Variants in P3H1 observed in about 807,000 individuals in gnomAD.
P3H1 encodes the protein prolyl 3-hydroxylase 1.
In P3H1, 69 loss-of-function variants were observed where a neutral mutation model predicts 84.0. The observed-to-expected ratio is 0.82, with a 90% CI of 0.68 to 1.00. The LOEUF (loss-of-function observed/expected upper bound fraction) is 1.00, where lower values mean the gene tolerates loss of function less well. Among genes scored for constraint, P3H1 ranks in the 50% least tolerant of loss-of-function variants. The pLI, the probability that P3H1 is intolerant of heterozygous loss-of-function variation, is 0.00. For synonymous variants in P3H1, 366 were observed against 388.8 expected (o/e 0.94, Z 0.69); for missense variants, 878 against 962.8 (o/e 0.91, Z 1.17).
At position 42,762,329 on chromosome 1, in the gene P3H1, G is replaced by A; in HGVS notation, c.612C>T (p.Pro204=). The A allele has an allele frequency of 6.2e-7, 1 of 1,613,872 alleles. No homozygotes were observed. Among genetic ancestry groups the A allele is most frequent in the Non-Finnish European group, 8.5e-7 (1 of 1,179,866 alleles). Residue 204 remains proline, a synonymous_variant, in exon 2 of 15, where the codon CCC becomes CCT. Coordinates refer to ENST00000296388, the MANE Select transcript of P3H1 (RefSeq NM_022356.4). The part of the protein sequence containing the change: ...EADFKDLETQ[P]HMQEFRLGVR... ...GGGATAAAGTTTTTTTCACCATATG[G>A]GGTTGAGTCTCAAGATCCTTGAAGT...
intron 14 of P3H1, 164 bp from the exon 15 acceptor site, chr1:42,747,016 C>A (rs1356917663): frequency 1.2e-6 from 2 of 1,613,940 alleles, no homozygotes; most frequent in Non-Finnish European, 1.7e-6. Context: ...GAAGTGGGGC[C>A]CAAGGAGGGA....
chr1:42,746,887 C>A (rs756678739), intron 14 of P3H1, 35 bp from the exon 15 acceptor site: 1 of 1,614,198 alleles, frequency 6.2e-7, no homozygotes, highest in Admixed American at 1.7e-5. Context: ...TCAGAGAGGC[C>A]TCCGCTCCAG....
chr1:42,754,939 C>T lies in P3H1; in HGVS notation c.1275G>A (p.Met425Ile). 6.2e-7 allele frequency: 1 copy of T among 1,614,232 alleles called. No individual in the cohort carries two copies. Among genetic ancestry groups the T allele is most frequent in the Non-Finnish European group, 8.5e-7 (1 of 1,180,038 alleles). ...VRISQEIGNL[M>I]KEIETLVEEK... Reference sequence around the variant, plus strand: ...CTTCCACAAGGGTCTCGATTTCCTTCATAAGGTTCCCAATCTCCTGGGAGA... The same window carrying T: ...CTTCCACAAGGGTCTCGATTTCCTTTATAAGGTTCCCAATCTCCTGGGAGA... The change falls in exon 8 of 15, where the codon ATG (methionine) becomes ATA (isoleucine). Residue 425 changes from methionine to isoleucine, a missense_variant. Physicochemically the swap from Met to Ile is conservative, Grantham distance 10. Transcript: ENST00000296388. The surrounding 1 kb of genome is among the most constrained non-coding windows in gnomAD (Gnocchi z 4.0).
At chr1:42,752,155 GT>G in intron 10 of P3H1, 118 bp downstream of exon 10, 1 of 830,064 alleles carries the variant, frequency 1.2e-6, no homozygotes, top group Non-Finnish European at 2.1e-6. Context: ...CAACAAGAAT[GT>G]TGGCAGGTGG....
At chr1:42,758,684 G>C (rs1652532950) in intron 4 of P3H1, among the ~76,000 whole-genome samples, 168 bp downstream of exon 4, 1 of 152,190 alleles carries the variant, frequency 6.6e-6, no homozygotes, top group Admixed American at 6.5e-5. Flanking sequence ...TGGCTTCCTA[G>C]GCCAGTTGTT....
At chr1:42,750,944 T>G (rs1415320438) in intron 10 of P3H1, among the ~76,000 whole-genome samples, 16 of 120,906 alleles carry the variant, frequency 1.3e-4, no homozygotes, top group Admixed American at 1.2e-3. Flanking sequence ...GGGAGGGTGG[T>G]GGGGGGGTCA....
chr1:42,763,540 C>T (rs985868396), intron 1 of P3H1, among the ~76,000 whole-genome samples: 5 of 151,512 alleles, frequency 3.3e-5, no homozygotes, highest in East Asian at 1.9e-4. Context: ...GGCGTTGTGG[C>T]GCACACCCGT....
At position 42,750,260 on chromosome 1, in the gene P3H1, A is replaced by G; in HGVS notation, c.1646T>C (p.Met549Thr). 6.2e-7 allele frequency: 1 copy of G among 1,613,988 alleles called. No homozygotes were observed. Among genetic ancestry groups the G allele is most frequent in the Admixed American group, 1.7e-5 (1 of 59,982 alleles). ...YNVTEKVRRI[M>T]ESYFRLDTPL... ...CGTATCCAGGCGGAAGTAGGACTCC[A>G]TGATGCGCCGCACCTTCTCCGTCAC... Residue 549 changes from methionine to threonine, a missense_variant, in exon 11 of 15, where the codon ATG (methionine) becomes ACG (threonine). Transcript: ENST00000296388.
At chr1:42,759,176 A>G in intron 3 of P3H1, 25 bp downstream of exon 3, 2 of 1,613,474 alleles carry the variant, frequency 1.2e-6, no homozygotes, top group East Asian at 4.5e-5. Flanking sequence ...GCCTGGCTGA[A>G]GGTCTGGCTC....
Position 42,750,316 on chromosome 1 carries a change from A to G in P3H1, c.1590T>C (p.Val530=). The change falls in exon 11 of 15, where the codon GTT becomes GTC. Residue 530 remains valine (V), a synonymous_variant. Transcript: ENST00000296388. ...KALKLGQEGK[V]PLQSAHLYYN... Reference sequence around the variant, plus strand: ...AGTACAGGTGGGCACTCTGCAGAGGAACTTTGCCTTCTTGCCCCAGCTGCC... The same window carrying G: ...AGTACAGGTGGGCACTCTGCAGAGGGACTTTGCCTTCTTGCCCCAGCTGCC... 6.2e-7 allele frequency: 1 copy of G among 1,613,996 alleles called. No homozygotes were observed.
rs1373305113 is a variant in P3H1, at chr1:42,758,853, G to C, written c.939C>G (p.Asn313Lys). The change falls in exon 4 of 15, where the codon AAC becomes AAG. Residue 313 changes from asparagine to lysine, a missense_variant and splice_region_variant. Physicochemically the swap from Asn to Lys is moderately conservative, Grantham distance 94 (BLOSUM62 0). Transcript: ENST00000296388. ...HYNYLQFAYYNIGNYTQAVEC... is the reference protein window; with the variant it reads ...HYNYLQFAYYKIGNYTQAVEC... Reference sequence around the variant, plus strand: ...AAGAGGAAGGAAAGTAGGCCTTACTGTTATAGTAGGCAAACTGCAGATAAT... The same window carrying C: ...AAGAGGAAGGAAAGTAGGCCTTACTCTTATAGTAGGCAAACTGCAGATAAT... 6.2e-7 allele frequency: 1 copy of C among 1,614,034 alleles called. No homozygotes were observed. Among genetic ancestry groups the C allele is most frequent in the Non-Finnish European group, 8.5e-7 (1 of 1,179,982 alleles).
intron 10 of P3H1, chr1:42,751,965 T>C: frequency 2.4e-6 from 1 of 418,788 alleles, no homozygotes. Context: ...CTTATCTCTC[T>C]TTATGAGCAC....
rs137853948 is a variant in P3H1 at position 42,766,739 on chromosome 1, TG to T, written c.232del (p.Gln78SerfsTer30). On this transcript the variant is annotated frameshift_variant, in exon 1 of 15. Transcript: ENST00000296388. LOFTEE classifies it high-confidence loss of function. The stretch of plus-strand genomic sequence containing the variant: ...CTCCCACGGGAAGTCGGCGGCACAC[TG>T]GGTGCGGCAGCGCAGGCGAAGGGCG... ...LRALRLRCRTQCAADFPWELD... is the reference protein window; with the variant it reads ...LRALRLRCRTXCAADFPWELD... The T allele has an allele frequency of 1.8e-5, 29 of 1,577,282 alleles. No homozygotes were observed. The highest frequency in any genetic ancestry group is 2.3e-5 in the Non-Finnish European group (27 of 1,162,566).
intron 1 of P3H1, among the ~76,000 whole-genome samples, chr1:42,764,489 G>C (rs1652890135): frequency 6.7e-6 from 1 of 150,178 alleles, no homozygotes; most frequent in Admixed American, 6.6e-5. Flanking sequence ...TGGGCTTAAT[G>C]ACTCACTGAC....
chr1:42,755,607 G>C lies in P3H1; in HGVS notation c.1111C>G (p.Leu371Val), dbSNP rs1467997807. 1 of 1,614,050 alleles carries C rather than the reference G, an allele frequency of 6.2e-7. No homozygotes were observed. Among genetic ancestry groups the C allele is most frequent in the Admixed American group, 1.7e-5 (1 of 60,030 alleles). ...GCGAAGAAAAGCAGTTCTTTTTCCA[G>C]TAGGCTTCGCTGTCGGTACTCCTTG... ...SAKEYRQRSL[L>V]EKELLFFAYD... is the part of the protein sequence containing the mutation. The change falls in exon 6 of 15, where the codon CTG (leucine) becomes GTG (valine). Residue 371 changes from leucine to valine, a missense_variant. By Grantham distance (32) the Leu-to-Val change is conservative (BLOSUM62 1). Transcript: ENST00000296388.
rs764540430 is a variant in P3H1 at position 42,750,306 on chromosome 1, T to C, written c.1600A>G (p.Ser534Gly). 1.1e-5 allele frequency: 17 copies of C among 1,613,972 alleles called. No individual in the cohort carries two copies. Among genetic ancestry groups the C allele is most frequent in the Non-Finnish European group, 1.4e-5 (17 of 1,180,022 alleles). Residue 534 changes from serine to glycine, a missense_variant, in exon 11 of 15, where the codon AGT becomes GGT. Coordinates refer to ENST00000296388, the MANE Select transcript of P3H1 (RefSeq NM_022356.4). ...GTCACGTTGTAGTACAGGTGGGCAC[T>C]CTGCAGAGGAACTTTGCCTTCTTGC... ...LGQEGKVPLQSAHLYYNVTEK... is the reference protein window; with the variant it reads ...LGQEGKVPLQGAHLYYNVTEK...
In P3H1 at chr1:42,748,184, C is replaced by G. The variant is rs774501616; in HGVS notation, c.1838+16G>C. 6.3e-7 allele frequency: 1 copy of G among 1,596,904 alleles called. No individual in the cohort carries two copies. The highest frequency in any genetic ancestry group is 1.7e-5 in the Admixed American group (1 of 59,958). ...AGGGCACAGACCTCCTCACCCTGCA[C>G]CTGCCCCGCACTCACCTGTAGTCGC... is the stretch of plus-strand genomic sequence containing the variant. On this transcript the variant is annotated intron_variant, in intron 12 of 14. Coordinates refer to ENST00000296388, the MANE Select transcript of P3H1 (RefSeq NM_022356.4).
In P3H1 at chr1:42,750,539, A is replaced by G. The variant is rs146000205; in HGVS notation, c.1570-203T>C. On this transcript the variant is annotated intron_variant, in intron 10 of 14. Coordinates refer to ENST00000296388, the MANE Select transcript of P3H1 (RefSeq NM_022356.4). ...AAGTCTCACGAGATCTGGTGGCTTT[A>G]AAAAAATGGGAGTTTGCGTCCGGGA... is the stretch of plus-strand genomic sequence containing the variant. Among the ~76,000 whole-genome samples the G allele has an allele frequency of 0.015, 2,242 of 152,122 alleles. 35 individuals are homozygous for G. The highest frequency in any genetic ancestry group is 0.057 in the South Asian group (274 of 4,820).
chr1:42,750,648 GC>G lies in P3H1; in HGVS notation c.1570-313del, dbSNP rs774069027. On this transcript the variant is annotated intron_variant, in intron 10 of 14. Coordinates refer to ENST00000296388, the MANE Select transcript of P3H1 (RefSeq NM_022356.4). ...GCCAGCCACCCCGTCCGGGAGGGAG[GC>G]CGGGGGGGGTGGTCGGCCAGCCGCC... Among the ~76,000 whole-genome samples the G allele has an allele frequency of 4.3e-3, 464 of 108,366 alleles. 132 individuals are homozygous for G. Among genetic ancestry groups the G allele is most frequent in the African/African-American group, 0.012 (222 of 19,206 alleles). The allele number at this position is 108,366 out of a possible 152,430, so 71.1% of individuals were successfully genotyped here. A position where few individuals can be genotyped will look rare whatever the true frequency, so the allele number is the denominator to read the frequency against.
Sources: allele counts gnomAD v4.1 joint callset (sites outside exome capture counted in the v4.1 genomes callset), GRCh38; gene constraint gnomAD v4.1.1; non-coding constraint Gnocchi (gnomAD v3.1); transcripts MANE v1.5; gene names NCBI Gene and HGNC (gene_info 2026-07-23, HGNC 2026-07-21).